Variants in CCM2 observed in about 807,000 individuals in gnomAD.
CCM2 encodes the protein CCM2 scaffold protein.
In CCM2, 25 loss-of-function variants were observed where a neutral mutation model predicts 44.9. The observed-to-expected ratio is 0.56, with a 90% CI of 0.41 to 0.78. The LOEUF is 0.78. Among genes scored for constraint, CCM2 ranks in the 30% least tolerant of loss-of-function variants. The probability of loss-of-function intolerance (pLI) is 0.00; values close to 1 mark genes in which losing one functional copy is unlikely to be tolerated. For synonymous variants in CCM2, 219 were observed against 241.1 expected, an observed-to-expected ratio of 0.91 and a Z score of 0.85; for missense variants, 481 against 580.6, an observed-to-expected ratio of 0.83 and a Z score of 1.76.
intron 4 of CCM2, among the ~76,000 whole-genome samples, chr7:45,066,775 A>G (rs1412833424): frequency 6.6e-6 from 1 of 152,110 alleles, no homozygotes; most frequent in African/African-American, 2.4e-5. Flanking sequence ...TAGGCTGCCC[A>G]CCCTGCTTCC....
chr7:45,038,168 T>A, intron 1 of CCM2, 85 bp from the exon 2 acceptor site: 1 of 1,524,492 alleles, frequency 6.6e-7, no homozygotes, highest in Non-Finnish European at 9.0e-7. Context: ...GGTAGTAGTT[T>A]TGGCTACTTC....
At chr7:45,053,669 A>G (rs1035868737) in intron 2 of CCM2, among the ~76,000 whole-genome samples, 2 of 152,182 alleles carry the variant, frequency 1.3e-5, no homozygotes, top group African/African-American at 4.8e-5. Flanking sequence ...TGGGGAGCCC[A>G]GTTCTGTACA....
At position 45,076,092 on chromosome 7, in the gene CCM2, C is replaced by G; in HGVS notation, c.*35C>G. On this transcript the variant is annotated 3_prime_UTR_variant, in exon 10 of 10. Transcript: ENST00000258781. The stretch of plus-strand genomic sequence containing the variant: ...GATGGGGGGGCACCCACACCTTCCG[C>G]GCAGTCGTCATAGGCCTTCCCAGAA... 6.2e-7 allele frequency: 1 copy of G among 1,611,868 alleles called. No homozygotes were observed. The highest frequency in any genetic ancestry group is 1.7e-4 in the Middle Eastern group (1 of 5,936).
intron 1 of CCM2, among the ~76,000 whole-genome samples, chr7:45,028,908 T>G (rs911631614): frequency 6.6e-6 from 1 of 152,014 alleles, no homozygotes; most frequent in African/African-American, 2.4e-5. Context: ...TCATGGAGCT[T>G]GTAGGAGGGG....
intron 1 of CCM2, among the ~76,000 whole-genome samples, chr7:45,017,609 G>A (rs1033384523): frequency 6.6e-6 from 1 of 152,212 alleles, no homozygotes; most frequent in African/African-American, 2.4e-5. Flanking sequence ...CGTAGGTCTT[G>A]TTTATAATTT....
At chr7:45,043,959 G>T (rs1797634462) in intron 2 of CCM2, among the ~76,000 whole-genome samples, 1 of 152,108 alleles carries the variant, frequency 6.6e-6, no homozygotes, top group Admixed American at 6.5e-5. Context: ...ATGCCCTTGA[G>T]AATATTTATT....
chr7:45,028,510 T>C (rs1201536353), intron 1 of CCM2, among the ~76,000 whole-genome samples: 1 of 151,842 alleles, frequency 6.6e-6, no homozygotes, highest in Non-Finnish European at 1.5e-5. Flanking sequence ...ACAAAAAAAT[T>C]GCCGGGTGTG....
intron 2 of CCM2, chr7:45,043,815 A>G (rs1179320050): frequency 5.9e-6 from 2 of 340,710 alleles, no homozygotes; most frequent in Admixed American, 9.3e-5. Context: ...GAATGTTTCA[A>G]ACCACTCTCC....
At position 45,069,870 on chromosome 7, in the gene CCM2, G is replaced by A. The variant is rs779212196; in HGVS notation, c.654G>A (p.Gln218=). Residue 218 remains glutamine (Q), a synonymous_variant, in exon 6 of 10, where the codon CAG becomes CAA. Coordinates refer to ENST00000258781, the MANE Select transcript of CCM2 (RefSeq NM_031443.4). ...ELCCLLGQVF[Q]VVYTESTIDF... ...GCTGTCTGCTAGGCCAGGTCTTCCA[G>A]GTTGTTTACACGGAGTCCACCATCG... 4 of 1,614,254 alleles carry A rather than the reference G, an allele frequency of 2.5e-6. No individual in the cohort carries two copies. The highest frequency in any genetic ancestry group is 8.5e-7 in the Non-Finnish European group (1 of 1,180,056).
chr7:45,000,277 C>T lies in CCM2; in HGVS notation c.-57C>T, dbSNP rs1795534325. Reference sequence around the variant, plus strand: ...GCCCGGGTCGAGCATGTAGCGGCTGCTGGCGGCGGGGCTCCCGGGGCGGGC... The same window carrying T: ...GCCCGGGTCGAGCATGTAGCGGCTGTTGGCGGCGGGGCTCCCGGGGCGGGC... On this transcript the variant is annotated 5_prime_UTR_variant, in exon 1 of 10. Coordinates refer to ENST00000258781, the MANE Select transcript of CCM2 (RefSeq NM_031443.4). The T allele has an allele frequency of 3.5e-6, 4 of 1,134,918 alleles. No individual in the cohort carries two copies. Among genetic ancestry groups the T allele is most frequent in the Admixed American group, 5.0e-5 (1 of 20,056 alleles). The allele number at this position is 1,134,918 out of a possible 1,614,324, so 70.3% of individuals were successfully genotyped here.
intron 2 of CCM2, among the ~76,000 whole-genome samples, chr7:45,061,685 A>G (rs1798532568): frequency 6.6e-6 from 1 of 151,920 alleles, no homozygotes; most frequent in Non-Finnish European, 1.5e-5. Flanking sequence ...GGGTCTCACC[A>G]TGTTTCCCAG....
chr7:45,043,421 A>G (rs1179685955), intron 2 of CCM2, among the ~76,000 whole-genome samples: 1 of 152,242 alleles, frequency 6.6e-6, no homozygotes, highest in Non-Finnish European at 1.5e-5. Context: ...AGAAAAAATT[A>G]TACCTACTGT....
intron 1 of CCM2, among the ~76,000 whole-genome samples, chr7:45,022,223 T>C (rs576891522): frequency 6.6e-6 from 1 of 151,792 alleles, no homozygotes; most frequent in African/African-American, 2.4e-5. Flanking sequence ...GTGCTGTGGT[T>C]GGCGTTCAGA....
intron 2 of CCM2, among the ~76,000 whole-genome samples, chr7:45,048,557 G>T (rs566888540): frequency 6.6e-6 from 1 of 152,174 alleles, no homozygotes; most frequent in African/African-American, 2.4e-5. Context: ...GAGGTCAAGA[G>T]ATCTAGACTA....
At chr7:45,065,451 G>C (rs1271050380) in intron 4 of CCM2, among the ~76,000 whole-genome samples, 1 of 152,242 alleles carries the variant, frequency 6.6e-6, no homozygotes, top group Non-Finnish European at 1.5e-5. Flanking sequence ...GCCAGTGGCA[G>C]GGTGTGAAGG....
At position 45,036,236 on chromosome 7, in the gene CCM2, G is replaced by A. The variant is rs1797212438; in HGVS notation, c.31-2017G>A. The stretch of plus-strand genomic sequence containing the variant: ...CACTTCTCTGGAAGCAAGACTTTCT[G>A]TTGTGTTTTTTGTTTTCGTTTTTAT... On this transcript the variant is annotated intron_variant, in intron 1 of 9. Coordinates refer to ENST00000258781, the MANE Select transcript of CCM2 (RefSeq NM_031443.4). Among the ~76,000 whole-genome samples the A allele has an allele frequency of 2.0e-5, 3 of 152,090 alleles. No individual in the cohort carries two copies. In the South Asian group the frequency reaches 6.2e-4, roughly 32 times the overall value.
intron 1 of CCM2, chr7:45,027,636 T>G (rs1796748609): frequency 6.2e-7 from 1 of 1,613,506 alleles, no homozygotes. Flanking sequence ...TCCTGTTCAG[T>G]CATGTTTTTT....
intron 2 of CCM2, among the ~76,000 whole-genome samples, chr7:45,055,640 A>G (rs931348602): frequency 6.6e-6 from 1 of 152,236 alleles, no homozygotes; most frequent in Non-Finnish European, 1.5e-5. Context: ...GTGAGCTGAG[A>G]TCGCACCACT....
chr7:45,068,635 G>A, intron 5 of CCM2, 56 bp downstream of exon 5: 8 of 1,608,644 alleles, frequency 5.0e-6, no homozygotes, highest in Non-Finnish European at 6.8e-6. Context: ...CCCTGCTCAT[G>A]GCCAGCCCCA....
Sources: gnomAD v4.1 joint callset for allele counts (sites outside exome capture counted in the v4.1 genomes callset) on GRCh38, gnomAD v4.1.1 for gene constraint, MANE v1.5 for transcripts, NCBI Gene and HGNC (gene_info 2026-07-23, HGNC 2026-07-21) for gene names.